ADCY5: variants seen among roughly 807,000 people sequenced by gnomAD.
ADCY5 encodes the protein adenylate cyclase type 5.
ADCY5 carries 30 observed loss-of-function variants against 119.7 expected under a neutral mutation model. That is an observed-to-expected ratio of 0.25 (90% CI 0.19 to 0.34). The LOEUF (loss-of-function observed/expected upper bound fraction) is 0.34, where lower values mean the gene tolerates loss of function less well. ADCY5 is among the 10% of genes least tolerant of loss of function. ADCY5 has a pLI of 1.00. For missense variants in ADCY5, 1,324 were observed against 1,775.2 expected (o/e 0.75, Z 4.57); for synonymous variants, 753 against 762.2 (o/e 0.99, Z 0.20).
chr3:123,330,878 TGG>T lies in ADCY5; in HGVS notation c.1646+9_1646+10del. 1 of 1,603,410 alleles carries T rather than the reference TGG, an allele frequency of 6.2e-7. No homozygotes were observed. Among genetic ancestry groups the T allele is most frequent in the Non-Finnish European group, 8.5e-7 (1 of 1,174,792 alleles). ...AGGGAGGGAGACGGTACCCGGGGGG[TGG>T]ACACTTACGAGATGGCCTCGATCAT... On this transcript the variant is annotated intron_variant, in intron 5 of 20. Transcript: ENST00000462833.
intron 12 of ADCY5, among the ~76,000 whole-genome samples, chr3:123,311,792 G>T (rs925169119): frequency 1.3e-5 from 2 of 152,146 alleles, no homozygotes; most frequent in Non-Finnish European, 2.9e-5. Context: ...TGTGGGACTG[G>T]GGGGACAGTG....
chr3:123,439,193 G>A (rs891111027), intron 1 of ADCY5, among the ~76,000 whole-genome samples: 1 of 149,242 alleles, frequency 6.7e-6, no homozygotes, highest in Non-Finnish European at 1.5e-5. Context: ...TCAGCCTCCC[G>A]AGTAGCTGGG....
At chr3:123,317,978 T>C in intron 11 of ADCY5, 42 bp downstream of exon 11, 1 of 1,567,416 alleles carries the variant, frequency 6.4e-7, no homozygotes, top group Non-Finnish European at 8.8e-7. Context: ...TGGGATTCCC[T>C]GCAGCCAGAG....
chr3:123,399,873 T>C (rs56156664), intron 1 of ADCY5, among the ~76,000 whole-genome samples: 31,215 of 152,152 alleles, frequency 0.21, 3,922 homozygotes, highest in Middle Eastern at 0.35. Context: ...CTGTGGAACA[T>C]GCAAGTCGGG....
intron 1 of ADCY5, among the ~76,000 whole-genome samples, chr3:123,385,083 T>C (rs1440253703): frequency 6.6e-6 from 1 of 151,992 alleles, no homozygotes; most frequent in Non-Finnish European, 1.5e-5. Context: ...CCCCTCTCCT[T>C]ACAGCCGGCA....
At chr3:123,307,101 C>G (rs1319808548) in intron 12 of ADCY5, among the ~76,000 whole-genome samples, 1 of 151,736 alleles carries the variant, frequency 6.6e-6, no homozygotes, top group African/African-American at 2.4e-5. Flanking sequence ...GGGGGAGTGA[C>G]TGCTAATGGG....
rs1350175443 is a variant in ADCY5, at chr3:123,448,785, G to A, written c.-240C>T. On this transcript the variant is annotated 5_prime_UTR_variant, in exon 1 of 21. Coordinates refer to ENST00000462833, the MANE Select transcript of ADCY5 (RefSeq NM_183357.3). The stretch of plus-strand genomic sequence containing the variant: ...TCAGAAGTCCCAGGTCCGAAATGGA[G>A]TTGCCTCCGAGGTGGGGTCGCAGGG... The A allele has an allele frequency of 2.6e-6, 1 of 390,640 alleles. No individual in the cohort carries two copies. The highest frequency in any genetic ancestry group is 4.5e-6 in the Non-Finnish European group (1 of 222,600). The allele number at this position is 390,640 out of a possible 1,614,324, so 24.2% of individuals were successfully genotyped here.
chr3:123,374,382 C>T (rs896777254), intron 1 of ADCY5, among the ~76,000 whole-genome samples: 2 of 152,144 alleles, frequency 1.3e-5, no homozygotes, highest in Admixed American at 6.6e-5. Flanking sequence ...CCACTACAAG[C>T]TGGTAATGGG....
At chr3:123,305,046 C>T (rs1940125436) in intron 12 of ADCY5, among the ~76,000 whole-genome samples, 1 of 152,272 alleles carries the variant, frequency 6.6e-6, no homozygotes, top group Non-Finnish European at 1.5e-5. Flanking sequence ...CTATAAAACC[C>T]CCCAAGGGCA....
At chr3:123,341,493 T>C (rs2108451594) in intron 3 of ADCY5, among the ~76,000 whole-genome samples, 1 of 151,200 alleles carries the variant, frequency 6.6e-6, no homozygotes, top group South Asian at 2.1e-4. Context: ...GGATGGGGAG[T>C]TAGCGCTTAA....
intron 3 of ADCY5, among the ~76,000 whole-genome samples, chr3:123,340,517 G>A (rs1265110048): frequency 6.6e-6 from 1 of 152,092 alleles, no homozygotes; most frequent in Non-Finnish European, 1.5e-5. Context: ...AAATTCAACT[G>A]GTCAGCGCCT....
rs1576663305 is a variant in ADCY5 at position 123,396,527 on chromosome 3, GAA to G, written c.1135-43948_1135-43947del. Reference sequence around the variant, plus strand: ...TAAGAGAAAGAAAGAAAGAGAGAGAGAAAGAAAAGAAAGAAAGAAAGAAAGAA... The same window carrying G: ...TAAGAGAAAGAAAGAAAGAGAGAGAGAGAAAAGAAAGAAAGAAAGAAAGAA... On this transcript the variant is annotated intron_variant, in intron 1 of 20. Transcript: ENST00000462833. 3.9e-5 allele frequency among the ~76,000 whole-genome samples: 4 copies of G among 101,270 alleles called. No homozygotes were observed. The East Asian group carries it at 1.0e-3, about 26-fold the overall frequency. 66.4% of individuals were successfully genotyped at this position (101,270 alleles called of 152,430 possible).
In ADCY5 at chr3:123,447,947, C is replaced by G. The variant is rs758672697; in HGVS notation, c.599G>C (p.Gly200Ala). 1.3e-6 allele frequency: 2 copies of G among 1,541,438 alleles called. No homozygotes were observed. Among genetic ancestry groups the G allele is most frequent in the African/African-American group, 1.4e-5 (1 of 72,034 alleles). The change falls in exon 1 of 21, where the codon GGC (glycine) becomes GCC (alanine). Residue 200 changes from glycine (G) to alanine (A), a missense_variant. Physicochemically the swap from Gly to Ala is moderately conservative, Grantham distance 60 (BLOSUM62 0). Coordinates refer to ENST00000462833, the MANE Select transcript of ADCY5 (RefSeq NM_183357.3). ...GCAGGCGCCCAGGGACAGCACCGCG[C>G]CGGGCCCCGCGCCCGAGCCCGAGTC... ...SADSGSGAGP[G>A]AVLSLGACCL... is the part of the protein sequence containing the mutation.
intron 10 of ADCY5, 90 bp from the exon 11 acceptor site, chr3:123,318,207 T>G: frequency 1.1e-6 from 1 of 927,636 alleles, no homozygotes; most frequent in Non-Finnish European, 1.7e-6. Flanking sequence ...GGGAAGCCAC[T>G]CATGGCTGGT....
chr3:123,298,555 C>T (rs928868523), intron 15 of ADCY5, among the ~76,000 whole-genome samples: 2 of 152,218 alleles, frequency 1.3e-5, no homozygotes, highest in African/African-American at 4.8e-5. Context: ...CCCCACACAA[C>T]CACCAAGAAG....
At chr3:123,415,291 A>C in intron 1 of ADCY5, among the ~76,000 whole-genome samples, 1 of 152,218 alleles carries the variant, frequency 6.6e-6, no homozygotes, top group East Asian at 1.9e-4. Context: ...ACCCTCTGCC[A>C]TGCCCGGACA....
At chr3:123,437,107 A>C (rs1945631271) in intron 1 of ADCY5, among the ~76,000 whole-genome samples, 1 of 152,206 alleles carries the variant, frequency 6.6e-6, no homozygotes, top group Non-Finnish European at 1.5e-5. Flanking sequence ...GCCCCCAAAA[A>C]GAAGAGTGTG....
At chr3:123,422,554 G>A (rs936655886) in intron 1 of ADCY5, among the ~76,000 whole-genome samples, 1 of 152,150 alleles carries the variant, frequency 6.6e-6, no homozygotes, top group Non-Finnish European at 1.5e-5. Flanking sequence ...CCGCCTGACT[G>A]GAATGCCCCG....
intron 1 of ADCY5, among the ~76,000 whole-genome samples, chr3:123,419,930 C>G (rs969048921): frequency 6.6e-6 from 1 of 152,148 alleles, no homozygotes; most frequent in East Asian, 1.9e-4. Flanking sequence ...TGTAGACACC[C>G]CCCCACCCCT....
Sources: allele counts gnomAD v4.1 joint callset (sites outside exome capture counted in the v4.1 genomes callset), GRCh38; gene constraint gnomAD v4.1.1; transcripts MANE v1.5; gene names NCBI Gene and HGNC (gene_info 2026-07-23, HGNC 2026-07-21).